WIPF3: variants seen among roughly 807,000 people sequenced by gnomAD.
WIPF3 encodes WAS/WASL interacting protein family member 3.
WIPF3 carries 33 observed loss-of-function variants against 38.9 expected under a neutral mutation model. The observed-to-expected ratio is 0.85, with a 90% CI of 0.64 to 1.14. WIPF3 has a LOEUF of 1.14. Among genes scored for constraint, WIPF3 ranks in the 50% most tolerant of loss-of-function variants. The probability of loss-of-function intolerance (pLI) is 0.00; values close to 1 mark genes in which losing one functional copy is unlikely to be tolerated. For synonymous variants in WIPF3, 324 were observed against 269.3 expected (o/e 1.20, Z -1.99); for missense variants, 711 against 652.5 (o/e 1.09, Z -0.98).
At chr7:29,837,790 A>T (rs934884152) in intron 2 of WIPF3, among the ~76,000 whole-genome samples, 30 of 152,376 alleles carry the variant, frequency 2.0e-4, no homozygotes, top group African/African-American at 6.3e-4. Flanking sequence ...GGCACAGGAT[A>T]TGATTAGATT....
At position 29,834,798 on chromosome 7, in the gene WIPF3, C is replaced by G. The variant is rs1562773496; in HGVS notation, c.74C>G (p.Pro25Arg). The G allele has an allele frequency of 7.8e-6, 12 of 1,539,288 alleles. No homozygotes were observed. Among genetic ancestry groups the G allele is most frequent in the South Asian group, 1.2e-5 (1 of 83,362 alleles). ...PPPLGAPPPP[P>R]PSAPPVSTDT... The stretch of plus-strand genomic sequence containing the variant: ...CCTCTGGGGGCTCCTCCCCCTCCCC[C>G]ACCATCAGCACCCCCGGTAAGACCT... Residue 25 changes from proline (P) to arginine (R), a missense_variant, in exon 2 of 9, where the codon CCA (proline) becomes CGA (arginine). By Grantham distance (103) the Pro-to-Arg change is moderately radical. Coordinates refer to ENST00000242140, the MANE Select transcript of WIPF3 (RefSeq NM_001080529.3).
chr7:29,897,244 C>A (rs1412784933), intron 7 of WIPF3, among the ~76,000 whole-genome samples: 2 of 152,200 alleles, frequency 1.3e-5, no homozygotes, highest in Non-Finnish European at 2.9e-5. Context: ...TTGATAGACA[C>A]TTGGGCTGCT....
chr7:29,855,647 G>A (rs1785174781), intron 2 of WIPF3, among the ~76,000 whole-genome samples: 1 of 152,158 alleles, frequency 6.6e-6, no homozygotes, highest in African/African-American at 2.4e-5. Context: ...TGGCTGGAGT[G>A]GACGAGCAGA....
At chr7:29,811,328 C>T (rs1042972552) in intron 1 of WIPF3, among the ~76,000 whole-genome samples, 2 of 151,884 alleles carry the variant, frequency 1.3e-5, no homozygotes, top group East Asian at 1.9e-4. Context: ...TTAAATGTTC[C>T]GTGTTCCATA....
In WIPF3 at chr7:29,915,694, C is replaced by G. The variant is rs896149804; in HGVS notation, c.*1178C>G. Reference sequence around the variant, plus strand: ...CCGGGCTGGTCCTGCTCTTCACTCCCTCTTCTTGATCCTGTAGGGAGTGGA... The same window carrying G: ...CCGGGCTGGTCCTGCTCTTCACTCCGTCTTCTTGATCCTGTAGGGAGTGGA... On this transcript the variant is annotated 3_prime_UTR_variant, in exon 9 of 9. Transcript: ENST00000242140. 1 of 152,302 alleles carries G rather than the reference C, an allele frequency of 6.6e-6. No individual in the cohort carries two copies. Among genetic ancestry groups the G allele is most frequent in the African/African-American group, 2.4e-5 (1 of 41,434 alleles). The allele number at this position is 152,302 out of a possible 1,614,324, so 9.4% of individuals were successfully genotyped here.
intron 2 of WIPF3, among the ~76,000 whole-genome samples, chr7:29,871,715 T>C (rs78338399): frequency 6.6e-6 from 1 of 152,204 alleles, no homozygotes; most frequent in Non-Finnish European, 1.5e-5. Context: ...CAAATGGACA[T>C]GCGAAAGCTT....
intron 7 of WIPF3, among the ~76,000 whole-genome samples, chr7:29,894,038 A>C (rs533460228): frequency 6.6e-6 from 1 of 152,304 alleles, no homozygotes; most frequent in Non-Finnish European, 1.5e-5. Flanking sequence ...TGTTCCAATA[A>C]AACTTTATTT....
At position 29,830,135 on chromosome 7, in the gene WIPF3, A is replaced by G. The variant is rs144427653; in HGVS notation, c.-57-4533A>G. On this transcript the variant is annotated intron_variant, in intron 1 of 8. Transcript: ENST00000242140. ...AAGCCTTTCACAGCCATCAAACACTACATATAAAACTATCCTCTAATCCTG... is the reference window on the plus strand; with the variant it reads ...AAGCCTTTCACAGCCATCAAACACTGCATATAAAACTATCCTCTAATCCTG... Among the ~76,000 whole-genome samples, 1,158 of 151,778 alleles carry G rather than the reference A, an allele frequency of 7.6e-3. 29 individuals carry two copies. The highest frequency in any genetic ancestry group is 0.054 in the Admixed American group (816 of 15,228).
intron 2 of WIPF3, among the ~76,000 whole-genome samples, chr7:29,840,361 C>G (rs978357883): frequency 6.6e-6 from 1 of 152,352 alleles, no homozygotes; most frequent in East Asian, 1.9e-4. Flanking sequence ...ACACAGTCAT[C>G]CCAGCTCAGG....
At chr7:29,832,138 G>A (rs1469437862) in intron 1 of WIPF3, among the ~76,000 whole-genome samples, 1 of 152,128 alleles carries the variant, frequency 6.6e-6, no homozygotes, top group Non-Finnish European at 1.5e-5. Context: ...CTTATATAAT[G>A]AGACCTCTAG....
chr7:29,879,147 A>T lies in WIPF3; in HGVS notation c.355+7A>T. 6.2e-7 allele frequency: 1 copy of T among 1,608,052 alleles called. No individual in the cohort carries two copies. Among genetic ancestry groups the T allele is most frequent in the South Asian group, 1.1e-5 (1 of 90,534 alleles). ...GGCCAGCGGGATGTAGCAGGTAAGG[A>T]AGAATTCATTCTGGCTCCCTTGTGG... On this transcript the variant is annotated splice_region_variant and intron_variant, in intron 4 of 8. Transcript: ENST00000242140.
intron 2 of WIPF3, among the ~76,000 whole-genome samples, chr7:29,835,321 G>C (rs182563686): frequency 6.6e-6 from 1 of 152,066 alleles, no homozygotes; most frequent in Non-Finnish European, 1.5e-5. Context: ...ATTTCAGTTC[G>C]TGTTGCTGAA....
intron 2 of WIPF3, among the ~76,000 whole-genome samples, chr7:29,865,281 C>T (rs888564417): frequency 1.3e-5 from 2 of 152,170 alleles, no homozygotes; most frequent in African/African-American, 4.8e-5. Flanking sequence ...ACTTACTCCA[C>T]CAAGCACACT....
chr7:29,871,122 T>G (rs1785489286), intron 2 of WIPF3, among the ~76,000 whole-genome samples: 1 of 152,200 alleles, frequency 6.6e-6, no homozygotes. Flanking sequence ...ACATATGGGG[T>G]GCAGGGAACA....
chr7:29,901,348 GAC>G, intron 7 of WIPF3, among the ~76,000 whole-genome samples: 1 of 148,408 alleles, frequency 6.7e-6, no homozygotes, highest in African/African-American at 2.5e-5. Context: ...GACAAACCCT[GAC>G]TAAGTCCCGG....
chr7:29,886,912 C>T (rs1371468329), intron 5 of WIPF3, among the ~76,000 whole-genome samples: 1 of 152,228 alleles, frequency 6.6e-6, no homozygotes, highest in Non-Finnish European at 1.5e-5. Context: ...GGCAGCTGTT[C>T]ACCCAGAAGA....
chr7:29,894,023 G>A (rs1786081304), intron 7 of WIPF3, among the ~76,000 whole-genome samples: 1 of 152,192 alleles, frequency 6.6e-6, no homozygotes, highest in South Asian at 2.1e-4. Flanking sequence ...GAATCGGCAT[G>A]GCTGTGTTCC....
chr7:29,813,761 A>G (rs1784416524), intron 1 of WIPF3, among the ~76,000 whole-genome samples: 1 of 152,124 alleles, frequency 6.6e-6, no homozygotes, highest in South Asian at 2.1e-4. Flanking sequence ...AACCATCGCC[A>G]TTATTTAATT....
At position 29,916,593 on chromosome 7, in the gene WIPF3, A is replaced by T. The variant is rs1412529134; in HGVS notation, c.*2077A>T. 2.6e-5 allele frequency: 4 copies of T among 152,174 alleles called. No homozygotes were observed. Among genetic ancestry groups the T allele is most frequent in the African/African-American group, 9.7e-5 (4 of 41,420 alleles). 9.4% of individuals were successfully genotyped at this position (152,174 alleles called of 1,614,324 possible). A position where few individuals can be genotyped will look rare whatever the true frequency, so the allele number is the denominator to read the frequency against. ...CCAGGCATGGTGGCTCACACCTGTA[A>T]TCCCAGCAACTTGGGAGGTTCAGGC... On this transcript the variant is annotated 3_prime_UTR_variant, in exon 9 of 9. Transcript: ENST00000242140.
Sources: allele counts gnomAD v4.1 joint callset (sites outside exome capture counted in the v4.1 genomes callset), GRCh38; gene constraint gnomAD v4.1.1; transcripts MANE v1.5; gene names NCBI Gene and HGNC (gene_info 2026-07-23, HGNC 2026-07-21).